The following DLG2 variants were observed in gnomAD, a reference collection of about 807,000 sequenced individuals.
The protein encoded by DLG2 is disks large homolog 2.
A neutral mutation model predicts 132.5 loss-of-function variants in DLG2; 45 were observed. The observed-to-expected ratio is 0.34, with a 90% CI of 0.27 to 0.44. DLG2 has a LOEUF of 0.44. Ranked by LOEUF, DLG2 falls within the 20% of genes least tolerant of loss-of-function variation. The probability of loss-of-function intolerance (pLI) is 1.00; values close to 1 mark genes in which losing one functional copy is unlikely to be tolerated. For synonymous variants in DLG2, 424 were observed against 419.6 expected (o/e 1.01, Z -0.13); for missense variants, 1,045 against 1,196.9 (o/e 0.87, Z 1.87).
At chr11:84,663,209 T>C (rs117495654) in intron 6 of DLG2, among the ~76,000 whole-genome samples, 5,381 of 151,268 alleles carry the variant, frequency 0.036, 135 homozygotes, top group Middle Eastern at 0.056. Context: ...AATGCTTATT[T>C]GTAATTATGC....
rs535977298 is a variant in DLG2 at position 85,009,141 on chromosome 11, G to T, written c.357+102520C>A. Among the ~76,000 whole-genome samples the T allele has an allele frequency of 1.1e-4, 16 of 152,118 alleles. No individual in the cohort carries two copies. In the South Asian group the frequency reaches 3.3e-3, roughly 32 times the overall value. ...GTCAAGATTGTGTTGGGTTTTGCAA[G>T]CCATAGTAAGAAAGGAATGATTGAA... On this transcript the variant is annotated intron_variant, in intron 6 of 27. Transcript: ENST00000376104.
chr11:84,770,426 C>A (rs2069125412), intron 6 of DLG2, among the ~76,000 whole-genome samples: 1 of 151,638 alleles, frequency 6.6e-6, no homozygotes, highest in Admixed American at 6.6e-5. Flanking sequence ...GGCCTAGTAT[C>A]CAATGGATAT....
chr11:84,451,443 A>G (rs941366461), intron 7 of DLG2, among the ~76,000 whole-genome samples: 1 of 151,668 alleles, frequency 6.6e-6, no homozygotes, highest in African/African-American at 2.4e-5. Flanking sequence ...TGCCCTTGGG[A>G]GCTTATGCTG....
chr11:84,664,474 T>C (rs1341766247), intron 6 of DLG2, among the ~76,000 whole-genome samples: 1 of 151,998 alleles, frequency 6.6e-6, no homozygotes, highest in Non-Finnish European at 1.5e-5. Context: ...AAACAGGAGG[T>C]CAGGACATCA....
chr11:84,049,105 A>T (rs534008554), intron 11 of DLG2, among the ~76,000 whole-genome samples: 7 of 151,844 alleles, frequency 4.6e-5, no homozygotes, highest in African/African-American at 1.7e-4. Context: ...GGCATCAGAA[A>T]AAAAAACAAA....
intron 6 of DLG2, among the ~76,000 whole-genome samples, chr11:84,919,979 C>T (rs1294708868): frequency 6.6e-6 from 1 of 152,102 alleles, no homozygotes; most frequent in Admixed American, 6.5e-5. Flanking sequence ...AATAAAAACC[C>T]AAGCCAATGT....
chr11:83,785,517 C>G (rs2095018691), intron 18 of DLG2, among the ~76,000 whole-genome samples: 1 of 152,218 alleles, frequency 6.6e-6, no homozygotes, highest in Admixed American at 6.5e-5. Flanking sequence ...CACTCTCTGG[C>G]CATATCTGGC....
chr11:84,811,537 G>T (rs1345117770), intron 6 of DLG2, among the ~76,000 whole-genome samples: 3 of 152,024 alleles, frequency 2.0e-5, no homozygotes, highest in African/African-American at 7.2e-5. Context: ...TTAGGATGAG[G>T]ATACTAACAA....
chr11:85,229,632 A>G (rs1433923410), intron 4 of DLG2, among the ~76,000 whole-genome samples: 2 of 152,104 alleles, frequency 1.3e-5, no homozygotes, highest in African/African-American at 4.8e-5. Context: ...CAGCAATCCC[A>G]CTAGGGGGTA....
intron 3 of DLG2, among the ~76,000 whole-genome samples, chr11:85,516,215 C>A (rs188501417): frequency 1.5e-4 from 22 of 151,614 alleles, no homozygotes; most frequent in African/African-American, 5.1e-4. Flanking sequence ...GGGTCAAGGA[C>A]AAAATTAAGA....
intron 7 of DLG2, among the ~76,000 whole-genome samples, chr11:84,516,025 T>C (rs2099271741): frequency 6.6e-6 from 1 of 151,406 alleles, no homozygotes; most frequent in Non-Finnish European, 1.5e-5. Context: ...AATTAAAATA[T>C]CTGTTGAGAC....
At chr11:84,737,929 T>A (rs182768496) in intron 6 of DLG2, among the ~76,000 whole-genome samples, 30 of 152,172 alleles carry the variant, frequency 2.0e-4, no homozygotes, top group African/African-American at 7.0e-4. Context: ...AATATAGTGT[T>A]TGTGTATACG....
rs554240129 is a variant in DLG2, at chr11:85,128,224, T to A, written c.283-16489A>T. On this transcript the variant is annotated intron_variant, in intron 5 of 27. Transcript: ENST00000376104. The stretch of plus-strand genomic sequence containing the variant: ...TGCAGTTTTATTTGTAGATTTTTTT[T>A]AAACTTTTTCAAATGTATAAGTATG... Among the ~76,000 whole-genome samples the A allele has an allele frequency of 5.9e-5, 9 of 152,248 alleles. No homozygotes were observed. In the East Asian group the frequency reaches 7.7e-4, roughly 13 times the overall value.
intron 6 of DLG2, among the ~76,000 whole-genome samples, chr11:84,912,216 C>A (rs1361143542): frequency 1.3e-5 from 2 of 152,206 alleles, no homozygotes; most frequent in Non-Finnish European, 2.9e-5. Context: ...GCGGCGCGAT[C>A]TCGATCTCGG....
chr11:83,520,732 T>TAGATAGATAGATAGATAGATAGAC (rs1384603040), intron 21 of DLG2, among the ~76,000 whole-genome samples: 13 of 139,316 alleles, frequency 9.3e-5, no homozygotes, highest in African/African-American at 3.0e-4. Context: ...GATAGATAGA[T>TAGATAGATAGATAGATAGATAGAC]AGATAGAGTG....
chr11:85,403,355 G>T (rs919324042), intron 3 of DLG2, among the ~76,000 whole-genome samples: 4 of 152,014 alleles, frequency 2.6e-5, no homozygotes, highest in Non-Finnish European at 5.9e-5. Flanking sequence ...GTGGGGGCTG[G>T]GGGAGGGATA....
At chr11:84,192,066 A>G (rs1597106385) in intron 8 of DLG2, among the ~76,000 whole-genome samples, 2 of 151,142 alleles carry the variant, frequency 1.3e-5, no homozygotes, top group Non-Finnish European at 1.5e-5. Flanking sequence ...ACATTAATCC[A>G]AAGAATTCCA....
At chr11:84,505,859 T>C (rs1162571195) in intron 7 of DLG2, among the ~76,000 whole-genome samples, 4 of 152,072 alleles carry the variant, frequency 2.6e-5, no homozygotes, top group African/African-American at 9.7e-5. Flanking sequence ...TATAGTTCAA[T>C]CTCATACATC....
chr11:84,323,259 C>T (rs375537279), intron 7 of DLG2, among the ~76,000 whole-genome samples: 1 of 152,126 alleles, frequency 6.6e-6, no homozygotes, highest in East Asian at 1.9e-4. Flanking sequence ...TTGAGTTTGA[C>T]TAGTTCAGAT....
Sources: allele counts gnomAD v4.1 joint callset (sites outside exome capture counted in the v4.1 genomes callset), GRCh38; gene constraint gnomAD v4.1.1; transcripts MANE v1.5; gene names NCBI Gene and HGNC (gene_info 2026-07-23, HGNC 2026-07-21).